Variants in EPHA3 observed in about 807,000 individuals in gnomAD.
The protein encoded by EPHA3 is EPH receptor A3, also known as ephrin type-A receptor 3.
In EPHA3, 42 loss-of-function variants were observed where a neutral mutation model predicts 107.1. The observed-to-expected ratio is 0.39, with a 90% CI of 0.31 to 0.51. The LOEUF (loss-of-function observed/expected upper bound fraction) is 0.51, where lower values mean the gene tolerates loss of function less well. EPHA3 is among the 20% of genes least tolerant of loss of function. EPHA3 has a pLI of 0.78. For missense variants in EPHA3, 1,183 were observed against 1,211.2 expected, an observed-to-expected ratio of 0.98 and a Z score of 0.35; for synonymous variants, 461 against 424.8, an observed-to-expected ratio of 1.09 and a Z score of -1.05.
intron 2 of EPHA3, among the ~76,000 whole-genome samples, chr3:89,144,293 C>T (rs570898733): frequency 4.0e-5 from 6 of 151,774 alleles, no homozygotes; most frequent in East Asian, 3.9e-4. Context: ...CTGTCGTTTT[C>T]CCTGTCAGAA....
intron 2 of EPHA3, among the ~76,000 whole-genome samples, chr3:89,165,531 C>G (rs997701647): frequency 6.6e-6 from 1 of 152,194 alleles, no homozygotes; most frequent in African/African-American, 2.4e-5. Context: ...CTGTGCTCTT[C>G]TGTGCCTTTC....
chr3:89,210,627 A>G lies in EPHA3; in HGVS notation c.814+107A>G, dbSNP rs552077545. 84 of 1,222,594 alleles carry G rather than the reference A, an allele frequency of 6.9e-5. No individual in the cohort carries two copies. The African/African-American group carries it at 9.1e-4, about 13-fold the overall frequency. The allele number at this position is 1,222,594 out of a possible 1,614,324, so 75.7% of individuals were successfully genotyped here. ...GTCTCAACTCACTTGGCAGGAAAACATGCCTCAAACTGACCATAGTCTATT... is the reference window on the plus strand; with the variant it reads ...GTCTCAACTCACTTGGCAGGAAAACGTGCCTCAAACTGACCATAGTCTATT... On this transcript the variant is annotated intron_variant, in intron 3 of 16. Coordinates refer to ENST00000336596, the MANE Select transcript of EPHA3 (RefSeq NM_005233.6).
At chr3:89,109,457 T>C (rs1348002875) in intron 1 of EPHA3, among the ~76,000 whole-genome samples, 1 of 152,008 alleles carries the variant, frequency 6.6e-6, no homozygotes, top group East Asian at 1.9e-4. Context: ...TCCCACATTG[T>C]CATGATAAAT....
chr3:89,152,316 C>G (rs1467268896), intron 2 of EPHA3, among the ~76,000 whole-genome samples: 1 of 151,982 alleles, frequency 6.6e-6, no homozygotes, highest in Non-Finnish European at 1.5e-5. Flanking sequence ...TTCTGGTAAA[C>G]CTAAAACGAC....
chr3:89,453,502 A>G (rs531457627), intron 15 of EPHA3, among the ~76,000 whole-genome samples: 1 of 152,256 alleles, frequency 6.6e-6, no homozygotes, highest in South Asian at 2.1e-4. Context: ...TTTAGAAAAA[A>G]ATCAATATTT....
intron 2 of EPHA3, among the ~76,000 whole-genome samples, chr3:89,131,010 T>A (rs953248284): frequency 6.6e-6 from 1 of 152,208 alleles, no homozygotes; most frequent in African/African-American, 2.4e-5. Flanking sequence ...ACATATATTA[T>A]TAGGCCTTGG....
intron 2 of EPHA3, among the ~76,000 whole-genome samples, chr3:89,192,790 G>A (rs563271542): frequency 2.0e-5 from 3 of 152,050 alleles, no homozygotes; most frequent in East Asian, 3.9e-4. Flanking sequence ...GAATTCTCTG[G>A]AGACATGTAA....
intron 2 of EPHA3, among the ~76,000 whole-genome samples, chr3:89,130,160 G>A (rs1018677907): frequency 6.6e-6 from 1 of 152,090 alleles, no homozygotes; most frequent in African/African-American, 2.4e-5. Context: ...TTTAGTAGGG[G>A]AGACAAGAGG....
chr3:89,230,141 A>G (rs1207195033), intron 3 of EPHA3, among the ~76,000 whole-genome samples: 1 of 152,056 alleles, frequency 6.6e-6, no homozygotes, highest in Non-Finnish European at 1.5e-5. Flanking sequence ...ACCCAGAGCA[A>G]TTAAGTAAAC....
intron 13 of EPHA3, among the ~76,000 whole-genome samples, chr3:89,447,307 G>A (rs1709894215): frequency 6.6e-6 from 1 of 152,162 alleles, no homozygotes; most frequent in African/African-American, 2.4e-5. Context: ...TAGGAAGGTT[G>A]CGCTCACTGT....
intron 3 of EPHA3, among the ~76,000 whole-genome samples, chr3:89,296,681 A>C (rs1336825146): frequency 1.3e-5 from 2 of 152,200 alleles, no homozygotes; most frequent in Non-Finnish European, 2.9e-5. Flanking sequence ...CTGTTGCATT[A>C]GCTTCTACTA....
intron 2 of EPHA3, among the ~76,000 whole-genome samples, chr3:89,179,335 G>A (rs1414959971): frequency 6.6e-6 from 1 of 151,778 alleles, no homozygotes; most frequent in African/African-American, 2.4e-5. Context: ...TCAGAGAAGG[G>A]GTTTTAAACC....
intron 11 of EPHA3, 138 bp downstream of exon 11, chr3:89,419,528 A>G: frequency 7.6e-6 from 5 of 657,704 alleles, no homozygotes; most frequent in Non-Finnish European, 1.2e-5. Flanking sequence ...TAGGAATAGC[A>G]TGCCTTTCTT....
chr3:89,142,666 G>A (rs1704455982), intron 2 of EPHA3, among the ~76,000 whole-genome samples: 1 of 151,340 alleles, frequency 6.6e-6, no homozygotes, highest in Admixed American at 6.6e-5. Context: ...TAGAAGAATA[G>A]GATATCTCTC....
intron 3 of EPHA3, among the ~76,000 whole-genome samples, chr3:89,332,210 G>A (rs965236636): frequency 6.6e-6 from 1 of 152,128 alleles, no homozygotes; most frequent in Non-Finnish European, 1.5e-5. Flanking sequence ...CCTTGAAAGT[G>A]GACAGCCAAA....
intron 12 of EPHA3, among the ~76,000 whole-genome samples, chr3:89,430,394 T>A (rs1709543389): frequency 6.6e-6 from 1 of 152,156 alleles, no homozygotes; most frequent in Admixed American, 6.5e-5. Context: ...AAAATTTTAA[T>A]AGCAATTATT....
chr3:89,171,674 T>TATG (rs1360567375), intron 2 of EPHA3, among the ~76,000 whole-genome samples: 2 of 152,198 alleles, frequency 1.3e-5, no homozygotes, highest in African/African-American at 2.4e-5. Flanking sequence ...TAAAAGGTTA[T>TATG]ATGTTTTCCT....
At chr3:89,333,505 A>C (rs1707333129) in intron 3 of EPHA3, among the ~76,000 whole-genome samples, 2 of 152,164 alleles carry the variant, frequency 1.3e-5, no homozygotes. Context: ...TCGATAATGC[A>C]CAAGCATGCC....
rs180781242 is a variant in EPHA3 at position 89,359,669 on chromosome 3, T to C, written c.1306+17579T>C. Reference sequence around the variant, plus strand: ...TCTTTAGATGAACTGGCAAACATTATATATTGTGTGTGTGTGTGTATATAC... The same window carrying C: ...TCTTTAGATGAACTGGCAAACATTACATATTGTGTGTGTGTGTGTATATAC... On this transcript the variant is annotated intron_variant, in intron 5 of 16. Transcript: ENST00000336596. Among the ~76,000 whole-genome samples the C allele has an allele frequency of 1.6e-4, 20 of 128,150 alleles. 2 individuals carry two copies. The Admixed American group carries it at 1.7e-3, about 11-fold the overall frequency. The allele number at this position is 128,150 out of a possible 152,430, so 84.1% of individuals were successfully genotyped here.
Sources: gnomAD v4.1 joint callset for allele counts (sites outside exome capture counted in the v4.1 genomes callset) on GRCh38, gnomAD v4.1.1 for gene constraint, MANE v1.5 for transcripts, NCBI Gene and HGNC (gene_info 2026-07-23, HGNC 2026-07-21) for gene names.